HDAC11: variants seen among roughly 807,000 people sequenced by gnomAD.
HDAC11 encodes the protein histone deacetylase 11.
HDAC11 carries 23 observed loss-of-function variants against 41.1 expected under a neutral mutation model. The observed-to-expected ratio is 0.56, with a 90% confidence interval of 0.40 to 0.79. HDAC11 has a LOEUF of 0.79. Ranked by LOEUF, HDAC11 falls within the 30% of genes least tolerant of loss-of-function variation. The pLI is 0.00. For synonymous variants in HDAC11, 187 were observed against 186.6 expected, an observed-to-expected ratio of 1.00 and a Z score of -0.02; for missense variants, 402 against 477.3, an observed-to-expected ratio of 0.84 and a Z score of 1.47.
intron 4 of HDAC11, 72 bp from the exon 5 acceptor site, chr3:13,498,441 T>C (rs895102641): frequency 4.5e-6 from 7 of 1,570,696 alleles, no homozygotes; most frequent in Non-Finnish European, 6.1e-6. Context: ...ATGGAATGAG[T>C]GCATGAATCA....
chr3:13,484,440 C>T (rs978115396), intron 3 of HDAC11, among the ~76,000 whole-genome samples: 2 of 152,210 alleles, frequency 1.3e-5, no homozygotes, highest in Admixed American at 6.5e-5. Context: ...TCCCAAGGGG[C>T]GGCTCCTCAG....
intron 3 of HDAC11, among the ~76,000 whole-genome samples, chr3:13,488,099 G>A (rs1422598725): frequency 6.6e-6 from 1 of 151,652 alleles, no homozygotes; most frequent in South Asian, 2.1e-4. Context: ...TCTGTCATGA[G>A]TTCCAGTATA....
chr3:13,503,862 C>T lies in HDAC11; in HGVS notation c.650-232C>T, dbSNP rs552329530. On this transcript the variant is annotated intron_variant, in intron 8 of 9. Transcript: ENST00000295757. The stretch of plus-strand genomic sequence containing the variant: ...AGGCAGTGAAATCTGACATTGCCGA[C>T]ACAGATCTCCACACCCCCAGGGCAG... Among the ~76,000 whole-genome samples, 394 of 152,296 alleles carry T rather than the reference C, an allele frequency of 2.6e-3. 3 individuals carry two copies. Among genetic ancestry groups the T allele is most frequent in the South Asian group, 0.012 (58 of 4,826 alleles).
At chr3:13,483,320 T>TA (rs1002169013) in intron 2 of HDAC11, 144 bp from the exon 3 acceptor site, 39 of 646,598 alleles carry the variant, frequency 6.0e-5, no homozygotes, top group Non-Finnish European at 8.6e-5. Context: ...CTACCCCTTC[T>TA]CAGAAGGCCC....
chr3:13,481,298 G>A lies in HDAC11; in HGVS notation c.55G>A (p.Val19Met), dbSNP rs775294586. The A allele has an allele frequency of 6.2e-7, 1 of 1,613,182 alleles. No individual in the cohort carries two copies. The highest frequency in any genetic ancestry group is 1.1e-5 in the South Asian group (1 of 91,040). Residue 19 changes from valine to methionine, a missense_variant, in exon 2 of 10, where the codon GTG becomes ATG. Val to Met is a conservative substitution (Grantham distance 21). Transcript: ENST00000295757. The part of the protein sequence containing the change: ...QHVPETRWPI[V>M]YSPRYNITFM... ...TGTGCCAGAGACACGCTGGCCAATC[G>A]TGTACTCGCCGCGCTACAACATCAC...
At position 13,502,041 on chromosome 3, in the gene HDAC11, C is replaced by G. The variant is rs1217824187; in HGVS notation, c.552+108C>G. On this transcript the variant is annotated intron_variant, in intron 7 of 9. Coordinates refer to ENST00000295757, the MANE Select transcript of HDAC11 (RefSeq NM_024827.4). This position sits in a 1 kb window ranked among gnomAD's most constrained non-coding sequence, Gnocchi z 4.1. ...CCTCATGTCCCCACGGCTCTCACGG[C>G]TTCTGTCTTCTGTCTCTCGGGCTAC... 1.2e-6 allele frequency: 1 copy of G among 808,388 alleles called. No homozygotes were observed. Among genetic ancestry groups the G allele is most frequent in the Non-Finnish European group, 2.1e-6 (1 of 485,366 alleles). The allele number at this position is 808,388 out of a possible 1,614,324, so 50.1% of individuals were successfully genotyped here. A position where few individuals can be genotyped will look rare whatever the true frequency, so the allele number is the denominator to read the frequency against.
chr3:13,481,096 TA>T, intron 1 of HDAC11, 149 bp from the exon 2 acceptor site: 1 of 791,538 alleles, frequency 1.3e-6, no homozygotes, highest in Non-Finnish European at 2.0e-6. Flanking sequence ...GCAGCCAGTT[TA>T]AGCAGCTGTT....
Position 13,496,869 on chromosome 3 carries a change from G to T in HDAC11, c.369+17G>T. On this transcript the variant is annotated intron_variant, in intron 4 of 9. Coordinates refer to ENST00000295757, the MANE Select transcript of HDAC11 (RefSeq NM_024827.4). ...ACCATAATGGTAGGTGGGGTGGGGG[G>T]GCATGGCTGGGCTGGGGGCCCCCAC... 7.1e-7 allele frequency: 1 copy of T among 1,414,966 alleles called. No individual in the cohort carries two copies. Among genetic ancestry groups the T allele is most frequent in the South Asian group, 1.2e-5 (1 of 80,484 alleles). 87.7% of individuals were successfully genotyped at this position (1,414,966 alleles called of 1,614,324 possible).
Position 13,504,204 on chromosome 3 carries a change from G to A in HDAC11, c.760G>A (p.Val254Met). 6.2e-7 allele frequency: 1 copy of A among 1,613,950 alleles called. No individual in the cohort carries two copies. Among genetic ancestry groups the A allele is most frequent in the East Asian group, 2.2e-5 (1 of 44,884 alleles). The change falls in exon 9 of 10, where the codon GTG becomes ATG. Residue 254 changes from valine (V) to methionine (M), a missense_variant. Coordinates refer to ENST00000295757, the MANE Select transcript of HDAC11 (RefSeq NM_024827.4). ...CCTCCAGGAGCACCTGCCCGACGTG[G>A]TGGTATACAATGCAGGCACCGACAT... ...KSLQEHLPDV[V>M]VYNAGTDILE...
At chr3:13,501,998 G>A in intron 7 of HDAC11, 65 bp downstream of exon 7, 2 of 1,365,470 alleles carry the variant, frequency 1.5e-6, no homozygotes, top group Non-Finnish European at 2.1e-6. Flanking sequence ...AATCTTCCCG[G>A]GGCAGGAGAG....
At chr3:13,482,585 C>T (rs1701371026) in intron 2 of HDAC11, among the ~76,000 whole-genome samples, 1 of 152,178 alleles carries the variant, frequency 6.6e-6, no homozygotes, top group Non-Finnish European at 1.5e-5. Flanking sequence ...GAGTTTGAGA[C>T]CAGCTTGGGC....
rs1302723788 is a variant in HDAC11 at position 13,505,514 on chromosome 3, G to A, written c.*831G>A. 1 of 152,832 alleles carries A rather than the reference G, an allele frequency of 6.5e-6. No individual in the cohort carries two copies. The highest frequency in any genetic ancestry group is 1.5e-5 in the Non-Finnish European group (1 of 68,460). 9.5% of individuals were successfully genotyped at this position (152,832 alleles called of 1,614,324 possible). ...GGGCCGCTGACCCAGGTGGGGAGAGGGCAGAAGAAGGGTGGGGGACGTGGG... is the reference window on the plus strand; with the variant it reads ...GGGCCGCTGACCCAGGTGGGGAGAGAGCAGAAGAAGGGTGGGGGACGTGGG... On this transcript the variant is annotated 3_prime_UTR_variant, in exon 10 of 10. Transcript: ENST00000295757.
intron 3 of HDAC11, among the ~76,000 whole-genome samples, chr3:13,486,556 T>C (rs78836028): frequency 0.055 from 8,048 of 145,808 alleles, 757 homozygotes; most frequent in African/African-American, 0.2. Flanking sequence ...GAGCAGGTGA[T>C]ACTCATGTAG....
intron 8 of HDAC11, chr3:13,503,250 T>C (rs569880007): frequency 6.4e-5 from 19 of 298,606 alleles, no homozygotes; most frequent in Non-Finnish European, 1.2e-4. Context: ...TAGGATAAAT[T>C]TGAAAATACG....
chr3:13,483,401 G>A, intron 2 of HDAC11, 63 bp from the exon 3 acceptor site: 1 of 1,411,368 alleles, frequency 7.1e-7, no homozygotes, highest in South Asian at 1.2e-5. Context: ...CTGTGGGAGG[G>A]TCTGGGGCTG....
chr3:13,490,744 C>CTTTTTTTTTTTT (rs59531656), intron 3 of HDAC11, among the ~76,000 whole-genome samples: 5 of 41,404 alleles, frequency 1.2e-4, no homozygotes, highest in Non-Finnish European at 2.1e-4. Context: ...GCATTTTTTT[C>CTTTTTTTTTTTT]TTTTTTTTTT....
At chr3:13,483,245 G>A (rs1173417464) in intron 2 of HDAC11, among the ~76,000 whole-genome samples, 1 of 152,146 alleles carries the variant, frequency 6.6e-6, no homozygotes, top group Non-Finnish European at 1.5e-5. Context: ...GGGGATTGCT[G>A]TGTGTACGAT....
At chr3:13,481,465 A>C in intron 2 of HDAC11, 71 bp downstream of exon 2, 1 of 1,551,816 alleles carries the variant, frequency 6.4e-7, no homozygotes, top group Non-Finnish European at 8.8e-7. Flanking sequence ...CTCATCCCCA[A>C]CATAAGCCTC....
At chr3:13,486,568 GGT>G (rs1491210722) in intron 3 of HDAC11, among the ~76,000 whole-genome samples, 51 of 128,636 alleles carry the variant, frequency 4.0e-4, no homozygotes, top group African/African-American at 1.6e-3. Flanking sequence ...CTCATGTAGA[GGT>G]GTTTTTTTTT....
Sources: gnomAD v4.1 joint callset for allele counts (sites outside exome capture counted in the v4.1 genomes callset) on GRCh38, gnomAD v4.1.1 for gene constraint, Gnocchi (gnomAD v3.1) non-coding constraint, MANE v1.5 for transcripts, NCBI Gene and HGNC (gene_info 2026-07-23, HGNC 2026-07-21) for gene names.